ST6GALNAC6: variants seen among roughly 807,000 people sequenced by gnomAD.
ST6GALNAC6 encodes alpha-N-acetylgalactosaminide alpha-2,6-sialyltransferase 6.
ST6GALNAC6 carries 19 observed loss-of-function variants against 34.3 expected under a neutral mutation model. The ratio of observed to expected loss-of-function variants is 0.55; its 90% CI spans 0.39 to 0.81. The LOEUF (loss-of-function observed/expected upper bound fraction) is 0.81, where lower values mean the gene tolerates loss of function less well. Ranked by LOEUF, ST6GALNAC6 falls within the 40% of genes least tolerant of loss-of-function variation. ST6GALNAC6 has a pLI of 0.00. For synonymous variants in ST6GALNAC6, 185 were observed against 182.1 expected (o/e 1.02, Z -0.13); for missense variants, 377 against 467.7 (o/e 0.81, Z 1.79).
At chr9:127,897,761 T>A in intron 2 of ST6GALNAC6, 195 bp downstream of exon 2, 7 of 1,369,528 alleles carry the variant, frequency 5.1e-6, no homozygotes, top group Non-Finnish European at 6.8e-6. Context: ...TCCAGCCGCC[T>A]ATATCTTACT....
intron 5 of ST6GALNAC6, among the ~76,000 whole-genome samples, chr9:127,888,657 A>G (rs1198384026): frequency 6.7e-6 from 1 of 150,186 alleles, no homozygotes; most frequent in Non-Finnish European, 1.5e-5. Flanking sequence ...AAATACAAAA[A>G]TTAGCTGGCG....
intron 1 of ST6GALNAC6, 43 bp from the exon 2 acceptor site, chr9:127,898,053 T>A (rs998700921): frequency 1.0e-6 from 1 of 1,002,270 alleles, no homozygotes; most frequent in East Asian, 2.6e-5. Context: ...CAAGGGGTTG[T>A]TGGAAGGATT....
chr9:127,906,514 G>C (rs1018601891), upstream of ST6GALNAC6, among the ~76,000 whole-genome samples: 60 of 152,290 alleles, frequency 3.9e-4, no homozygotes, highest in African/African-American at 1.4e-3. Flanking sequence ...CTCAGACCTG[G>C]TATTGCACAC....
upstream of ST6GALNAC6, chr9:127,903,224 C>T (rs550762274): frequency 6.6e-6 from 1 of 151,686 alleles, no homozygotes; most frequent in East Asian, 2.0e-4. Context: ...GTCTCCATCT[C>T]CTGACCTTGT....
At chr9:127,896,745 A>T (rs1830481838) in intron 2 of ST6GALNAC6, 2 of 442,456 alleles carry the variant, frequency 4.5e-6, no homozygotes, top group South Asian at 1.9e-4. Context: ...GCTCTCTCTC[A>T]GGTTGGCCTG....
chr9:127,895,606 T>C (rs1830405002), intron 3 of ST6GALNAC6, among the ~76,000 whole-genome samples: 1 of 152,242 alleles, frequency 6.6e-6, no homozygotes, highest in African/African-American at 2.4e-5. Context: ...TCCTCAGAAT[T>C]CCAATCCCTT....
intron 2 of ST6GALNAC6, chr9:127,897,243 G>A: frequency 4.1e-6 from 4 of 985,886 alleles, no homozygotes; most frequent in Non-Finnish European, 4.8e-6. Flanking sequence ...CCTACCTCCA[G>A]CAGACAGGCC....
chr9:127,886,689 GCCC>G lies in ST6GALNAC6; in HGVS notation c.909_911del (p.Lys303_Gly304delinsAsn), dbSNP rs754218131. 6.2e-7 allele frequency: 1 copy of G among 1,614,132 alleles called. No individual in the cohort carries two copies. Among genetic ancestry groups the G allele is most frequent in the Admixed American group, 1.7e-5 (1 of 60,006 alleles). ...TCTCGGTGATGAAGCGGTGGTGGTT[GCCC>G]TTGCGACTGTGCTCATTCTGGATGT... On this transcript the variant is annotated inframe_deletion, in exon 7 of 7. Coordinates refer to ENST00000373146, the MANE Select transcript of ST6GALNAC6 (RefSeq NM_013443.5).
Position 127,898,091 on chromosome 9 carries a change from G to A in ST6GALNAC6, c.-29-81C>T. The A allele has an allele frequency of 8.9e-6, 7 of 782,864 alleles. No homozygotes were observed. In the Admixed American group the frequency reaches 1.4e-4, roughly 16 times the overall value. 48.5% of individuals were successfully genotyped at this position (782,864 alleles called of 1,614,324 possible). On this transcript the variant is annotated intron_variant, in intron 1 of 6. Transcript: ENST00000373146. ...AGCAGATGTGGCAAGGGACACGCGG[G>A]GCTTGAAAGTGCTCCCACATTGGCC...
In ST6GALNAC6 at chr9:127,896,268, G is replaced by C. The variant is rs146516243; in HGVS notation, c.91C>G (p.Arg31Gly). Residue 31 changes from arginine to glycine, a missense_variant, in exon 3 of 7, where the codon CGC (arginine) becomes GGC (glycine). Arg to Gly is a moderately radical substitution (Grantham distance 125). Transcript: ENST00000373146. The stretch of plus-strand genomic sequence containing the variant: ...TTGTTGCTACTCATTTCTCTCCGGC[G>C]TCTGCTGAGGGGTAGGTGTCGGCGT... ...AGRRHLPLSRRRREMSSNKEQ... is the reference protein window; with the variant it reads ...AGRRHLPLSRGRREMSSNKEQ... 1 of 1,614,020 alleles carries C rather than the reference G, an allele frequency of 6.2e-7. No homozygotes were observed. The highest frequency in any genetic ancestry group is 8.5e-7 in the Non-Finnish European group (1 of 1,180,016).
intron 3 of ST6GALNAC6, among the ~76,000 whole-genome samples, chr9:127,895,091 C>T (rs940501190): frequency 1.3e-5 from 2 of 152,204 alleles, no homozygotes; most frequent in Admixed American, 1.3e-4. Flanking sequence ...TCTAGGTCTT[C>T]CCCCAACAGT....
rs1237473809 is a variant in ST6GALNAC6, at chr9:127,891,055, G to A, written c.298-12C>T. On this transcript the variant is annotated splice_polypyrimidine_tract_variant and intron_variant, in intron 4 of 6. Coordinates refer to ENST00000373146, the MANE Select transcript of ST6GALNAC6 (RefSeq NM_013443.5). ...CGAGAGGGCAGTGTCTGGTGGATAAGGAAAGTCAACATTATCACGGCCACT... is the reference window on the plus strand; with the variant it reads ...CGAGAGGGCAGTGTCTGGTGGATAAAGAAAGTCAACATTATCACGGCCACT... The A allele has an allele frequency of 2.5e-6, 4 of 1,612,490 alleles. No homozygotes were observed. Among genetic ancestry groups the A allele is most frequent in the Non-Finnish European group, 3.4e-6 (4 of 1,179,244 alleles).
upstream of ST6GALNAC6, among the ~76,000 whole-genome samples, chr9:127,901,363 G>A (rs2131595769): frequency 6.6e-6 from 1 of 152,278 alleles, no homozygotes; most frequent in South Asian, 2.1e-4. Context: ...GGGGAGGCAG[G>A]CGGATCACTT....
chr9:127,905,050 G>T, intron 1 of ST6GALNAC6: 1 of 256,430 alleles, frequency 3.9e-6, no homozygotes, highest in Non-Finnish European at 6.1e-6. Context: ...GGCTTCCCCG[G>T]CTTCCCCTCT....
At chr9:127,896,131 GCGGGGAAGAAGAGACT>G in intron 3 of ST6GALNAC6, 95 bp downstream of exon 3, 1 of 1,274,966 alleles carries the variant, frequency 7.8e-7, no homozygotes, top group Non-Finnish European at 1.1e-6. Context: ...GCAGCTTCTT[GCGGGGAAGAAGAGACT>G]CGTGGTGGCT....
Position 127,886,457 on chromosome 9 carries a change from G to A in ST6GALNAC6, c.*142C>T. The A allele has an allele frequency of 3.4e-6, 5 of 1,451,236 alleles. No homozygotes were observed. Among genetic ancestry groups the A allele is most frequent in the Non-Finnish European group, 4.5e-6 (5 of 1,102,108 alleles). 89.9% of individuals were successfully genotyped at this position (1,451,236 alleles called of 1,614,324 possible). ...AGATTCCCCAGGCCCTGATTGGCTG[G>A]AGGATACATCCTCCTCAAGGCCCTG... On this transcript the variant is annotated 3_prime_UTR_variant, in exon 7 of 7. Transcript: ENST00000373146.
upstream of ST6GALNAC6, among the ~76,000 whole-genome samples, chr9:127,902,753 T>G (rs1830802243): frequency 6.6e-6 from 1 of 150,780 alleles, no homozygotes; most frequent in South Asian, 2.1e-4. Context: ...CACGCTCGGC[T>G]AATTTTGTAT....
chr9:127,892,467 A>C (rs949984497), intron 4 of ST6GALNAC6, among the ~76,000 whole-genome samples: 1 of 152,092 alleles, frequency 6.6e-6, no homozygotes, highest in African/African-American at 2.4e-5. Flanking sequence ...TGTTTTACTT[A>C]TTTTCCTTTT....
chr9:127,886,814 C>T, intron 6 of ST6GALNAC6, 26 bp from the exon 7 acceptor site: 1 of 1,573,986 alleles, frequency 6.4e-7, no homozygotes, highest in Non-Finnish European at 8.6e-7. Context: ...CGGGCGTCAT[C>T]AGGGCAAGGT....
Sources: gnomAD v4.1 joint callset for allele counts (sites outside exome capture counted in the v4.1 genomes callset) on GRCh38, gnomAD v4.1.1 for gene constraint, MANE v1.5 for transcripts, NCBI Gene and HGNC (gene_info 2026-07-23, HGNC 2026-07-21) for gene names.